Variants in ARHGEF4 observed in about 807,000 individuals in gnomAD.
The protein encoded by ARHGEF4 is APC-stimulated guanine nucleotide exchange factor 1.
Under a neutral mutation model 162.0 loss-of-function variants are expected in ARHGEF4, and 119 were observed. The ratio of observed to expected loss-of-function variants is 0.73; its 90% CI spans 0.63 to 0.86. The LOEUF (loss-of-function observed/expected upper bound fraction) is 0.86, where lower values mean the gene tolerates loss of function less well. ARHGEF4 is among the 40% of genes least tolerant of loss of function. ARHGEF4 has a pLI of 0.00. For missense variants in ARHGEF4, 2,488 were observed against 2,456.0 expected (o/e 1.01, Z -0.28); for synonymous variants, 1,014 against 979.9 (o/e 1.03, Z -0.65).
At chr2:131,008,523 T>G (rs908744661) in intron 4 of ARHGEF4, among the ~76,000 whole-genome samples, 4 of 152,208 alleles carry the variant, frequency 2.6e-5, no homozygotes, top group African/African-American at 9.6e-5. Context: ...TCCATTAACT[T>G]TTAATGTGAT....
At position 130,923,438 on chromosome 2, in the gene ARHGEF4, A is replaced by G. The variant is rs553839834; in HGVS notation, c.3552+5940A>G. The stretch of plus-strand genomic sequence containing the variant: ...TGTTTGTCCGTCCTTCTGACACAGT[A>G]TCTTAATCACTGTAGCTGTACAGTA... On this transcript the variant is annotated intron_variant, in intron 2 of 13. Transcript: ENST00000409359. 7.2e-4 allele frequency among the ~76,000 whole-genome samples: 110 copies of G among 152,260 alleles called. 1 individual carries two copies. The highest frequency in any genetic ancestry group is 2.6e-3 in the African/African-American group (107 of 41,552).
At chr2:130,899,219 C>T (rs893738678) in intron 1 of ARHGEF4, among the ~76,000 whole-genome samples, 43 of 152,172 alleles carry the variant, frequency 2.8e-4, no homozygotes, top group African/African-American at 8.7e-4. Flanking sequence ...CATAACATAA[C>T]ATATTCATGG....
chr2:130,843,590 G>T (rs918755965), intron 1 of ARHGEF4, among the ~76,000 whole-genome samples: 2 of 152,218 alleles, frequency 1.3e-5, no homozygotes, highest in African/African-American at 4.8e-5. Flanking sequence ...CTTCCAAGGG[G>T]GGGCACGGTT....
rs70994730 is a variant in ARHGEF4 at position 131,001,302 on chromosome 2, C to CAAAA, written c.3986-26620_3986-26617dup. On this transcript the variant is annotated intron_variant, in intron 4 of 13. Coordinates refer to ENST00000409359, the MANE Select transcript of ARHGEF4 (RefSeq NM_001367493.1). ...TGGGCGACAGAGTGAGACTGTGTCT[C>CAAAA]AAAAAAAAAAAAAAAAAAAAAAAAA... Among the ~76,000 whole-genome samples, 112 of 31,142 alleles carry CAAAA rather than the reference C, an allele frequency of 3.6e-3. 11 individuals are homozygous for CAAAA. The highest frequency in any genetic ancestry group is 3.7e-3 in the Admixed American group (8 of 2,182). The allele number at this position is 31,142 out of a possible 152,430, so 20.4% of individuals were successfully genotyped here.
In ARHGEF4 at chr2:130,917,490, G is replaced by C; in HGVS notation, c.3544G>C (p.Gly1182Arg). Residue 1182 changes from glycine (G) to arginine (R), a missense_variant, in exon 2 of 14, where the codon GGG (glycine) becomes CGG (arginine). Physicochemically the swap from Gly to Arg is moderately radical, Grantham distance 125. Coordinates refer to ENST00000409359, the MANE Select transcript of ARHGEF4 (RefSeq NM_001367493.1). Reference protein sequence around the residue: ...GTVPWLRDLPGSENHMPWEEP... With the variant: ...GTVPWLRDLPRSENHMPWEEP... ...AGTGCCCTGGCTCAGGGACCTTCCT[G>C]GGAGTGAGGTGAGTATCTGAATCGC... 1 of 1,548,924 alleles carries C rather than the reference G, an allele frequency of 6.5e-7. No individual in the cohort carries two copies.
At chr2:130,943,505 G>C (rs914195648) in intron 3 of ARHGEF4, among the ~76,000 whole-genome samples, 1 of 152,034 alleles carries the variant, frequency 6.6e-6, no homozygotes, top group African/African-American at 2.4e-5. Flanking sequence ...TCTGTTCTCT[G>C]ATTTGCATTG....
chr2:130,884,660 AAAGC>A (rs1679401456), intron 1 of ARHGEF4, among the ~76,000 whole-genome samples: 1 of 152,158 alleles, frequency 6.6e-6, no homozygotes, highest in African/African-American at 2.4e-5. Flanking sequence ...AAACATTTAG[AAAGC>A]GATAACAAGT....
chr2:131,039,852 C>T, intron 6 of ARHGEF4, 164 bp from the exon 7 acceptor site: 2 of 1,428,742 alleles, frequency 1.4e-6, no homozygotes, highest in Non-Finnish European at 1.8e-6. Context: ...CGGTCCAGGA[C>T]TTGCGTGGGT....
At chr2:130,867,095 T>C (rs1480870606) in intron 1 of ARHGEF4, among the ~76,000 whole-genome samples, 1 of 152,176 alleles carries the variant, frequency 6.6e-6, no homozygotes, top group Non-Finnish European at 1.5e-5. Context: ...AGGTACCAGT[T>C]CTGTACCCTT....
At chr2:130,843,900 G>A (rs1226159883) in intron 1 of ARHGEF4, among the ~76,000 whole-genome samples, 1 of 152,202 alleles carries the variant, frequency 6.6e-6, no homozygotes, top group African/African-American at 2.4e-5. Flanking sequence ...ATGAACTCCT[G>A]AAACCTTCTC....
At position 130,915,891 on chromosome 2, in the gene ARHGEF4, G is replaced by A. The variant is rs1329480027; in HGVS notation, c.1945G>A (p.Gly649Arg). Reference protein sequence around the residue: ...KGLQASRSNAGPVPETLPRDF... With the variant: ...KGLQASRSNARPVPETLPRDF... Reference sequence around the variant, plus strand: ...TCTTCAGGCCAGCAGGAGCAATGCGGGGCCTGTTCCAGAAACACTGCCCCG... The same window carrying A: ...TCTTCAGGCCAGCAGGAGCAATGCGAGGCCTGTTCCAGAAACACTGCCCCG... Residue 649 changes from glycine to arginine, a missense_variant, in exon 2 of 14, where the codon GGG becomes AGG. Physicochemically the swap from Gly to Arg is moderately radical, Grantham distance 125. Around this residue, in one of 6 missense-constraint regions of ARHGEF4, gnomAD observed 1,642 missense variants for 1,481.5 expected, o/e 1.11. Transcript: ENST00000409359. The A allele has an allele frequency of 1.3e-6, 2 of 1,550,142 alleles. No individual in the cohort carries two copies. The highest frequency in any genetic ancestry group is 1.7e-6 in the Non-Finnish European group (2 of 1,146,822).
chr2:131,046,327 A>G lies in ARHGEF4; in HGVS notation c.*138A>G, dbSNP rs1691257758. 2 of 879,332 alleles carry G rather than the reference A, an allele frequency of 2.3e-6. No homozygotes were observed. Among genetic ancestry groups the G allele is most frequent in the Non-Finnish European group, 1.7e-6 (1 of 580,986 alleles). The allele number at this position is 879,332 out of a possible 1,614,324, so 54.5% of individuals were successfully genotyped here. A position where few individuals can be genotyped will look rare whatever the true frequency, so the allele number is the denominator to read the frequency against. ...GGCTGGGGAGTTGCTTGTGCCACCA[A>G]GACGTGCCAGGTCTGTACTCCTGTT... On this transcript the variant is annotated 3_prime_UTR_variant, in exon 14 of 14. Transcript: ENST00000409359.
intron 4 of ARHGEF4, among the ~76,000 whole-genome samples, chr2:130,974,076 C>T (rs1685534506): frequency 6.6e-6 from 1 of 151,430 alleles, no homozygotes; most frequent in South Asian, 2.1e-4. Flanking sequence ...TCAAGACCAG[C>T]CTGGGCAACA....
At chr2:130,954,991 C>T (rs557273993) in intron 4 of ARHGEF4, among the ~76,000 whole-genome samples, 15 of 150,044 alleles carry the variant, frequency 1.0e-4, no homozygotes, top group African/African-American at 3.7e-4. Flanking sequence ...TCCCTTTGTT[C>T]TTTGGCTTAT....
intron 1 of ARHGEF4, among the ~76,000 whole-genome samples, chr2:130,881,988 G>C (rs1006324616): frequency 2.6e-5 from 4 of 152,100 alleles, no homozygotes; most frequent in Non-Finnish European, 1.5e-5. Flanking sequence ...AGAGGGGCTG[G>C]GGTGCAGCAG....
At chr2:130,847,927 T>A (rs910230010) in intron 1 of ARHGEF4, among the ~76,000 whole-genome samples, 1 of 151,408 alleles carries the variant, frequency 6.6e-6, no homozygotes, top group South Asian at 2.1e-4. Context: ...GCCTCAGGAG[T>A]GTGTGGGATT....
intron 1 of ARHGEF4, among the ~76,000 whole-genome samples, chr2:130,868,212 AC>A (rs1452115386): frequency 1.3e-5 from 2 of 151,996 alleles, no homozygotes; most frequent in African/African-American, 4.8e-5. Flanking sequence ...GGAGTGAGCC[AC>A]CACACCCGGC....
At position 131,041,364 on chromosome 2, in the gene ARHGEF4, C is replaced by T; in HGVS notation, c.4797C>T (p.Asp1599=). Residue 1599 remains aspartate, a synonymous_variant, in exon 9 of 14, where the codon GAC becomes GAT. Coordinates refer to ENST00000409359, the MANE Select transcript of ARHGEF4 (RefSeq NM_001367493.1). ...GCCGGCTGCTGCAGAAGATGATTGA[C>T]ATCTCCCTGGATGGCTTCCTGCTGA... is the stretch of plus-strand genomic sequence containing the variant. ...EACRLLQKMI[D]ISLDGFLLTP... 1 of 1,613,584 alleles carries T rather than the reference C, an allele frequency of 6.2e-7. No individual in the cohort carries two copies. The highest frequency in any genetic ancestry group is 1.1e-5 in the South Asian group (1 of 91,088).
At position 131,044,515 on chromosome 2, in the gene ARHGEF4, G is replaced by A. The variant is rs2105422033; in HGVS notation, c.5374G>A (p.Glu1792Lys). ...GCTCAAGGCCTTTGCCAGGGAGAGG[G>A]AGCAGGTGCAGCTGGACCAGGAGAC... ...RWLKAFARER[E>K]QVQLDQETGF... is the part of the protein sequence containing the mutation. The change falls in exon 12 of 14, where the codon GAG (glutamate) becomes AAG (lysine). Residue 1792 changes from glutamate (E) to lysine (K), a missense_variant. Physicochemically the swap from Glu to Lys is moderately conservative, Grantham distance 56. Around this residue, in one of 6 missense-constraint regions of ARHGEF4, gnomAD observed 415 missense variants for 512.4 expected, o/e 0.81. Transcript: ENST00000409359. The A allele has an allele frequency of 1.3e-6, 2 of 1,551,204 alleles. No individual in the cohort carries two copies. Among genetic ancestry groups the A allele is most frequent in the East Asian group, 2.4e-5 (1 of 40,974 alleles).
Sources: gnomAD v4.1 joint callset for allele counts (sites outside exome capture counted in the v4.1 genomes callset) on GRCh38, gnomAD v4.1.1 for gene constraint, gnomAD v4.1.1 regional missense constraint, MANE v1.5 for transcripts, NCBI Gene and HGNC (gene_info 2026-07-23, HGNC 2026-07-21) for gene names.